The following RAC1 variants were observed in gnomAD, a reference collection of about 807,000 sequenced individuals.
The protein encoded by RAC1 is Rac family small GTPase 1.
In RAC1, 2 loss-of-function variants were observed where a neutral mutation model predicts 25.2. The ratio of observed to expected loss-of-function variants is 0.08; its 90% confidence interval spans 0.03 to 0.25. RAC1 has a LOEUF of 0.25. RAC1 is among the 10% of genes least tolerant of loss of function. RAC1 has a pLI of 1.00. For synonymous variants in RAC1, 88 were observed against 94.0 expected, an observed-to-expected ratio of 0.94 and a Z score of 0.37; for missense variants, 50 against 235.7, an observed-to-expected ratio of 0.21 and a Z score of 5.16.
At chr7:6,395,290 G>T (rs1783204793) in intron 3 of RAC1, among the ~76,000 whole-genome samples, 1 of 151,822 alleles carries the variant, frequency 6.6e-6, no homozygotes, top group South Asian at 2.1e-4. Context: ...TAAAGTGGTG[G>T]GCTAGACTCC....
chr7:6,393,725 C>T (rs928359335), intron 3 of RAC1, among the ~76,000 whole-genome samples: 2 of 152,108 alleles, frequency 1.3e-5, no homozygotes, highest in African/African-American at 4.8e-5. Flanking sequence ...GGTTCTTGCC[C>T]TCAGGTAGTT....
chr7:6,388,450 A>G (rs1782988236), intron 2 of RAC1, among the ~76,000 whole-genome samples: 1 of 145,616 alleles, frequency 6.9e-6, no homozygotes, highest in Non-Finnish European at 1.5e-5. Context: ...GGTTCAAGTG[A>G]TTCTCTGCCT....
chr7:6,380,510 T>C (rs375510772), intron 1 of RAC1, among the ~76,000 whole-genome samples: 6 of 152,334 alleles, frequency 3.9e-5, no homozygotes, highest in African/African-American at 1.4e-4. Context: ...TTCTGTCTTT[T>C]TGCATTAGTC....
intron 3 of RAC1, chr7:6,398,640 C>A: frequency 6.2e-7 from 1 of 1,611,294 alleles, no homozygotes; most frequent in Non-Finnish European, 8.5e-7. Context: ...TAAACTCAAA[C>A]CAAGTTCTCA....
intron 3 of RAC1, among the ~76,000 whole-genome samples, chr7:6,394,968 C>G (rs1562467889): frequency 6.6e-6 from 1 of 152,206 alleles, no homozygotes; most frequent in African/African-American, 2.4e-5. Flanking sequence ...CATTCTCCTG[C>G]CTCAGCCTCC....
At chr7:6,397,036 C>CAAA (rs151105670) in intron 3 of RAC1, among the ~76,000 whole-genome samples, 2 of 80,192 alleles carry the variant, frequency 2.5e-5, no homozygotes, top group African/African-American at 9.3e-5. Flanking sequence ...CTCTCAAAAA[C>CAAA]AAAAAAAAAA....
At chr7:6,382,171 T>G (rs1218678357) in intron 1 of RAC1, among the ~76,000 whole-genome samples, 1 of 152,106 alleles carries the variant, frequency 6.6e-6, no homozygotes, top group Non-Finnish European at 1.5e-5. Context: ...TTTTTTGTAT[T>G]TTTAATAGAG....
At chr7:6,377,297 G>A (rs1463072056) in intron 1 of RAC1, among the ~76,000 whole-genome samples, 1 of 151,866 alleles carries the variant, frequency 6.6e-6, no homozygotes, top group Non-Finnish European at 1.5e-5. Context: ...AGTGATATTA[G>A]AAGTGAAATG....
rs1201831176 is a variant in RAC1, at chr7:6,374,721, C to T, written c.-15C>T. The T allele has an allele frequency of 9.9e-6, 11 of 1,109,170 alleles. No homozygotes were observed. In the Admixed American group the frequency reaches 3.5e-4, roughly 35 times the overall value. 68.7% of individuals were successfully genotyped at this position (1,109,170 alleles called of 1,614,324 possible). Reference sequence around the variant, plus strand: ...GCGCCCTGCCGCCGCCGCCGCGGCCCAGCGAGCGGCCCTGATGCAGGCCAT... The same window carrying T: ...GCGCCCTGCCGCCGCCGCCGCGGCCTAGCGAGCGGCCCTGATGCAGGCCAT... On this transcript the variant is annotated 5_prime_UTR_variant, in exon 1 of 6. Transcript: ENST00000348035.
At chr7:6,383,649 CATATACATAGAGACTTAGG>C (rs1309538369) in intron 1 of RAC1, among the ~76,000 whole-genome samples, 2 of 151,984 alleles carry the variant, frequency 1.3e-5, no homozygotes, top group Non-Finnish European at 2.9e-5. Context: ...TTTTGTTCCT[CATATACATAGAGACTTAGG>C]ACAGAATAGT....
chr7:6,380,384 G>C (rs546345663), intron 1 of RAC1, among the ~76,000 whole-genome samples: 152 of 152,158 alleles, frequency 1.0e-3, no homozygotes, highest in African/African-American at 3.5e-3. Context: ...CATAATGTGT[G>C]TGTGTGTGTG....
chr7:6,395,913 G>A (rs1224710089), intron 3 of RAC1, among the ~76,000 whole-genome samples: 1 of 152,192 alleles, frequency 6.6e-6, no homozygotes, highest in Non-Finnish European at 1.5e-5. Flanking sequence ...TGAGATCTCA[G>A]CTGTCCAGAT....
At position 6,403,265 on chromosome 7, in the gene RAC1, A is replaced by G; in HGVS notation, c.*819A>G. On this transcript the variant is annotated 3_prime_UTR_variant, in exon 6 of 6. Coordinates refer to ENST00000348035, the MANE Select transcript of RAC1 (RefSeq NM_006908.5). ...AAGGTTAATTTCTGTCAAATGCAGT[A>G]GATGATGAAAGAAAGGTTGGTATTA... 1 of 215,412 alleles carries G rather than the reference A, an allele frequency of 4.6e-6. No individual in the cohort carries two copies. The highest frequency in any genetic ancestry group is 9.4e-6 in the Non-Finnish European group (1 of 106,446). 13.3% of individuals were successfully genotyped at this position (215,412 alleles called of 1,614,324 possible). A position where few individuals can be genotyped will look rare whatever the true frequency, so the allele number is the denominator to read the frequency against.
At chr7:6,393,119 C>T (rs33986000) in intron 3 of RAC1, among the ~76,000 whole-genome samples, 22,742 of 152,078 alleles carry the variant, frequency 0.15, 2,130 homozygotes, top group Non-Finnish European at 0.22. Flanking sequence ...AGGAAGACAT[C>T]CTAGAGAAAG....
Position 6,402,725 on chromosome 7 carries a change from G to GC in RAC1, c.*287dup, listed in dbSNP as rs201711136. On this transcript the variant is annotated 3_prime_UTR_variant, in exon 6 of 6. Transcript: ENST00000348035. Reference sequence around the variant, plus strand: ...TCTTAAAGCCTTATTTTTCAAAAGCGCCCCCCCCATTCTTGTTCAGATTAA... The same window carrying GC: ...TCTTAAAGCCTTATTTTTCAAAAGCGCCCCCCCCCATTCTTGTTCAGATTAA... 1,771 of 285,352 alleles carry GC rather than the reference G, an allele frequency of 6.2e-3. 30 individuals carry two copies. Among genetic ancestry groups the GC allele is most frequent in the East Asian group, 0.027 (455 of 16,994 alleles). 17.7% of individuals were successfully genotyped at this position (285,352 alleles called of 1,614,324 possible).
chr7:6,386,801 AAAAG>A (rs1459196332), intron 1 of RAC1, among the ~76,000 whole-genome samples: 1 of 151,412 alleles, frequency 6.6e-6, no homozygotes, highest in African/African-American at 2.4e-5. Context: ...AAAAAAAAAA[AAAAG>A]AAAAAAAAGA....
chr7:6,385,418 T>C (rs1036783633), intron 1 of RAC1, among the ~76,000 whole-genome samples: 2 of 152,172 alleles, frequency 1.3e-5, no homozygotes, highest in African/African-American at 2.4e-5. Flanking sequence ...AGTTGAAACT[T>C]GCCAAAAAAT....
chr7:6,387,737 A>G (rs1782962313), intron 2 of RAC1, among the ~76,000 whole-genome samples: 1 of 152,140 alleles, frequency 6.6e-6, no homozygotes, highest in Non-Finnish European at 1.5e-5. Flanking sequence ...AAAGAAAAAA[A>G]AAAAAGAAAC....
At chr7:6,376,729 G>C (rs71531381) in intron 1 of RAC1, among the ~76,000 whole-genome samples, 24,122 of 128,232 alleles carry the variant, frequency 0.19, 2,593 homozygotes, top group Non-Finnish European at 0.25. Context: ...CCATGTTGGT[G>C]AGGCTGGTCT....
Sources: allele counts gnomAD v4.1 joint callset (sites outside exome capture counted in the v4.1 genomes callset), GRCh38; gene constraint gnomAD v4.1.1; transcripts MANE v1.5; gene names NCBI Gene and HGNC (gene_info 2026-07-23, HGNC 2026-07-21).